The following STAB2 variants were observed in gnomAD, a reference collection of about 807,000 sequenced individuals.
The protein encoded by STAB2 is stabilin 2.
Under a neutral mutation model 338.1 loss-of-function variants are expected in STAB2, and 288 were observed. The ratio of observed to expected loss-of-function variants is 0.85; its 90% CI spans 0.77 to 0.94. The LOEUF (loss-of-function observed/expected upper bound fraction) is 0.94, where lower values mean the gene tolerates loss of function less well. STAB2 is among the 40% of genes least tolerant of loss of function. STAB2 has a pLI of 0.00. For synonymous variants in STAB2, 1,202 were observed against 1,193.3 expected (o/e 1.01, Z -0.15); for missense variants, 3,141 against 3,210.1 (o/e 0.98, Z 0.52).
intron 8 of STAB2, 23 bp downstream of exon 8, chr12:103,638,235 T>C: frequency 6.3e-7 from 1 of 1,599,948 alleles, no homozygotes. Flanking sequence ...TGCAGGGAAC[T>C]GATGTATCTA....
At chr12:103,677,101 T>C (rs1876452515) in intron 24 of STAB2, among the ~76,000 whole-genome samples, 1 of 152,210 alleles carries the variant, frequency 6.6e-6, no homozygotes, top group Non-Finnish European at 1.5e-5. Flanking sequence ...CGGGTTCATG[T>C]CTTTTTATAG....
At chr12:103,621,033 G>T (rs1015468979) in intron 4 of STAB2, among the ~76,000 whole-genome samples, 4 of 152,090 alleles carry the variant, frequency 2.6e-5, no homozygotes, top group African/African-American at 9.7e-5. Context: ...GGAGGCAGAG[G>T]TTGCAGTGAG....
rs1449135967 is a variant in STAB2 at position 103,739,976 on chromosome 12, T to G, written c.5754+508T>G. On this transcript the variant is annotated intron_variant, in intron 54 of 68. Coordinates refer to ENST00000388887, the MANE Select transcript of STAB2 (RefSeq NM_017564.10). ...TCCAGAGAGCAATGGAGAGTAATGT[T>G]TAAGTCAATGAAATTTGGAGTCCAC... Among the ~76,000 whole-genome samples the G allele has an allele frequency of 2.6e-5, 4 of 152,168 alleles. No homozygotes were observed. The East Asian group carries it at 5.8e-4, about 22-fold the overall frequency.
At position 103,750,597 on chromosome 12, in the gene STAB2, TGTAAAA is replaced by T. The variant is rs1566075958; in HGVS notation, c.6460_6465del (p.Lys2154_Ser2155del). ...TCCACAGGGCAAGCACAAGTGTGAG[TGTAAAA>T]GTCACTATGTCGGAGATGGGCTGAA... On this transcript the variant is annotated inframe_deletion, in exon 60 of 69. Coordinates refer to ENST00000388887, the MANE Select transcript of STAB2 (RefSeq NM_017564.10). 9.3e-6 allele frequency: 15 copies of T among 1,614,090 alleles called. No homozygotes were observed. Among genetic ancestry groups the T allele is most frequent in the Non-Finnish European group, 1.3e-5 (15 of 1,180,016 alleles).
chr12:103,714,495 C>T (rs964641443), intron 42 of STAB2, among the ~76,000 whole-genome samples: 4 of 152,074 alleles, frequency 2.6e-5, no homozygotes, highest in East Asian at 1.9e-4. Context: ...GTCAGGAGTT[C>T]GAGACAAGCC....
rs576775711 is a variant in STAB2 at position 103,667,840 on chromosome 12, C to A, written c.2086-803C>A. Among the ~76,000 whole-genome samples the A allele has an allele frequency of 1.6e-4, 24 of 152,262 alleles. 1 individual carries two copies. In the South Asian group the frequency reaches 2.7e-3, roughly 17 times the overall value. On this transcript the variant is annotated intron_variant, in intron 19 of 68. Coordinates refer to ENST00000388887, the MANE Select transcript of STAB2 (RefSeq NM_017564.10). ...TGAACCAGAGACTAAATTCTCGTGA[C>A]AAAACTTGAAATCAGCATTATTGTC... is the stretch of plus-strand genomic sequence containing the variant.
At chr12:103,757,975 T>C (rs2139225379) in intron 63 of STAB2, 195 bp from the exon 64 acceptor site, 9 of 737,590 alleles carry the variant, frequency 1.2e-5, no homozygotes, top group Admixed American at 5.7e-5. Flanking sequence ...TCTTAAACCA[T>C]AGGATTCACT....
chr12:103,624,357 G>A (rs1353532830), intron 5 of STAB2, among the ~76,000 whole-genome samples: 3 of 152,176 alleles, frequency 2.0e-5, no homozygotes, highest in African/African-American at 2.4e-5. Flanking sequence ...CTCCAGTGAT[G>A]TTCTCCTGAC....
rs1195703044 is a variant in STAB2 at position 103,607,957 on chromosome 12, G to A, written c.332-12511G>A. 4.6e-5 allele frequency among the ~76,000 whole-genome samples: 7 copies of A among 152,232 alleles called. No homozygotes were observed. The East Asian group carries it at 5.8e-4, about 13-fold the overall frequency. ...TCTAGTTCTAGATCCCTGAGGAATC[G>A]CCACACTGACTTCCACAATGGTTGA... On this transcript the variant is annotated intron_variant, in intron 3 of 68. Transcript: ENST00000388887.
intron 25 of STAB2, among the ~76,000 whole-genome samples, chr12:103,682,658 T>C (rs1877024954): frequency 6.6e-6 from 1 of 152,086 alleles, no homozygotes; most frequent in African/African-American, 2.4e-5. Context: ...GAGTAAAGAA[T>C]TCAGGAAGAG....
chr12:103,614,941 A>G (rs6539093), intron 3 of STAB2, among the ~76,000 whole-genome samples: 48,919 of 152,104 alleles, frequency 0.32, 10,030 homozygotes, highest in African/African-American at 0.58. Context: ...GTTAAGTGTC[A>G]GGTTTTGCAT....
At chr12:103,718,916 A>G (rs1248966331) in intron 44 of STAB2, among the ~76,000 whole-genome samples, 2 of 152,044 alleles carry the variant, frequency 1.3e-5, no homozygotes, top group Non-Finnish European at 2.9e-5. Context: ...CTGGGCTTTG[A>G]CTTTCTTCCT....
intron 5 of STAB2, among the ~76,000 whole-genome samples, chr12:103,626,725 C>T (rs1410357725): frequency 6.6e-6 from 1 of 152,132 alleles, no homozygotes; most frequent in South Asian, 2.1e-4. Context: ...ATGTTGGTCC[C>T]GGGAGGTGGC....
At chr12:103,749,205 G>T in intron 59 of STAB2, 49 bp downstream of exon 59, 1 of 1,533,542 alleles carries the variant, frequency 6.5e-7, no homozygotes, top group Non-Finnish European at 8.8e-7. Flanking sequence ...CGTGGGCTTC[G>T]CTCCTCCTTG....
chr12:103,680,904 T>G (rs1358554784), intron 25 of STAB2, among the ~76,000 whole-genome samples: 1 of 152,234 alleles, frequency 6.6e-6, no homozygotes, highest in Non-Finnish European at 1.5e-5. Context: ...ACTTCTCAAG[T>G]GCCTACACCC....
intron 26 of STAB2, among the ~76,000 whole-genome samples, 182 bp downstream of exon 26, chr12:103,683,482 C>T: frequency 6.6e-6 from 1 of 152,116 alleles, no homozygotes; most frequent in Non-Finnish European, 1.5e-5. Flanking sequence ...TTGGAAGAAC[C>T]AACATATGAC....
chr12:103,677,639 G>A (rs1566007357), intron 25 of STAB2, 28 bp downstream of exon 25: 8 of 1,594,850 alleles, frequency 5.0e-6, no homozygotes, highest in South Asian at 1.1e-5. Flanking sequence ...AGAGCAAAGA[G>A]AAAGCAGGAA....
Position 103,742,541 on chromosome 12 carries a change from G to T in STAB2, c.6018G>T (p.Gly2006=), listed in dbSNP as rs1290167806. 5.0e-6 allele frequency: 8 copies of T among 1,614,134 alleles called. No individual in the cohort carries two copies. The highest frequency in any genetic ancestry group is 6.8e-6 in the Non-Finnish European group (8 of 1,180,018). ...ACEMCWPGRF[G]PDCLPCGCSD... is the part of the protein sequence containing the mutation. The stretch of plus-strand genomic sequence containing the variant: ...AGATGTGCTGGCCGGGGAGATTCGG[G>T]CCTGATTGTCTGCGTATGTGGCGCC... Residue 2006 remains glycine (G), a synonymous_variant, in exon 56 of 69, where the codon GGG becomes GGT. Transcript: ENST00000388887.
intron 68 of STAB2, among the ~76,000 whole-genome samples, chr12:103,764,748 T>C (rs1884792977): frequency 6.6e-6 from 1 of 152,004 alleles, no homozygotes. Context: ...AATAACCAGA[T>C]TGCAAATCAT....
Sources: allele counts gnomAD v4.1 joint callset (sites outside exome capture counted in the v4.1 genomes callset), GRCh38; gene constraint gnomAD v4.1.1; transcripts MANE v1.5; gene names NCBI Gene and HGNC (gene_info 2026-07-23, HGNC 2026-07-21).